CACNA2D4: variants seen among roughly 807,000 people sequenced by gnomAD.
CACNA2D4 encodes calcium voltage-gated channel auxiliary subunit alpha2delta 4, also known as voltage-dependent calcium channel subunit alpha-2/delta-4.
A neutral mutation model predicts 163.8 loss-of-function variants in CACNA2D4; 157 were observed. The observed-to-expected ratio is 0.96, with a 90% CI of 0.84 to 1.09. The LOEUF (loss-of-function observed/expected upper bound fraction) is 1.09. Among genes scored for constraint, CACNA2D4 ranks in the 50% least tolerant of loss-of-function variants. The pLI, the probability that CACNA2D4 is intolerant of heterozygous loss-of-function variation, is 0.00. For synonymous variants in CACNA2D4, 598 were observed against 586.9 expected (o/e 1.02, Z -0.27); for missense variants, 1,410 against 1,479.9 (o/e 0.95, Z 0.78).
chr12:1,816,852 A>G (rs73593729), intron 26 of CACNA2D4, among the ~76,000 whole-genome samples: 4,202 of 152,270 alleles, frequency 0.028, 187 homozygotes, highest in African/African-American at 0.095. Flanking sequence ...ACACATGGAC[A>G]CACAGGCATA....
chr12:1,860,197 G>T lies in CACNA2D4; in HGVS notation c.1888C>A (p.Leu630Ile), dbSNP rs774587637. The change falls in exon 19 of 38, where the codon CTT becomes ATT. Residue 630 changes from leucine to isoleucine, a missense_variant. Transcript: ENST00000382722. ...AAGAAGTAGTCATTGGTCAGGAAAA[G>T]AACTCGCTTCTGAAAGAGTAGACAA... is the stretch of plus-strand genomic sequence containing the variant. ...KVPMDKGKRV[L>I]FLTNDYFFTD... is the part of the protein sequence containing the mutation. 5.0e-6 allele frequency: 8 copies of T among 1,613,488 alleles called. No individual in the cohort carries two copies. In the South Asian group the frequency reaches 5.5e-5, roughly 11 times the overall value.
chr12:1,839,322 T>C (rs993940071), intron 26 of CACNA2D4, among the ~76,000 whole-genome samples: 1 of 152,250 alleles, frequency 6.6e-6, no homozygotes, highest in Non-Finnish European at 1.5e-5. Context: ...TCCCAGGTAC[T>C]GAAGCTAAAA....
At chr12:1,839,482 C>T (rs1864963747) in intron 26 of CACNA2D4, among the ~76,000 whole-genome samples, 1 of 152,198 alleles carries the variant, frequency 6.6e-6, no homozygotes, top group East Asian at 1.9e-4. Flanking sequence ...CATGGCAAAC[C>T]GCAGCACAGG....
intron 26 of CACNA2D4, among the ~76,000 whole-genome samples, chr12:1,822,435 GC>G (rs2154446465): frequency 6.6e-6 from 1 of 152,192 alleles, no homozygotes; most frequent in African/African-American, 2.4e-5. Flanking sequence ...AGCCTCCTGT[GC>G]CCTGCCTGGG....
In CACNA2D4 at chr12:1,799,561, C is replaced by T; in HGVS notation, c.2995+114G>A. Reference sequence around the variant, plus strand: ...GGAATGGTACTTTAAACCAGGAGAGCTCAGCCCTGCTTGGGGTCATTCCTG... The same window carrying T: ...GGAATGGTACTTTAAACCAGGAGAGTTCAGCCCTGCTTGGGGTCATTCCTG... On this transcript the variant is annotated intron_variant, in intron 34 of 37. Coordinates refer to ENST00000382722, the MANE Select transcript of CACNA2D4 (RefSeq NM_172364.5). This position sits in a 1 kb window ranked among gnomAD's most constrained non-coding sequence, Gnocchi z 4.7. 1.8e-6 allele frequency: 2 copies of T among 1,130,822 alleles called. No homozygotes were observed. The highest frequency in any genetic ancestry group is 5.2e-5 in the East Asian group (2 of 38,770). 70.0% of individuals were successfully genotyped at this position (1,130,822 alleles called of 1,614,324 possible).
intron 35 of CACNA2D4, 101 bp from the exon 36 acceptor site, chr12:1,795,881 A>G (rs1448848979): frequency 1.2e-6 from 1 of 809,144 alleles, no homozygotes; most frequent in Non-Finnish European, 2.1e-6. Context: ...TTAGGGTGGC[A>G]GGGAAGCCCG....
At chr12:1,794,507 C>T (rs927940272) in intron 37 of CACNA2D4, among the ~76,000 whole-genome samples, 4 of 152,204 alleles carry the variant, frequency 2.6e-5, no homozygotes, top group African/African-American at 9.7e-5. Context: ...ATGCCAATCG[C>T]AAGCCCCAGG....
At chr12:1,803,385 G>T (rs1863403671) in intron 29 of CACNA2D4, among the ~76,000 whole-genome samples, 1 of 152,236 alleles carries the variant, frequency 6.6e-6, no homozygotes, top group Admixed American at 6.5e-5. Flanking sequence ...TCATAATGCT[G>T]TGACTTATAA....
chr12:1,851,097 G>T (rs1057268445), intron 23 of CACNA2D4, among the ~76,000 whole-genome samples: 3 of 152,016 alleles, frequency 2.0e-5, no homozygotes, highest in Non-Finnish European at 4.4e-5. Context: ...TTCACAGGCT[G>T]GTCTTGAACT....
In CACNA2D4 at chr12:1,918,504, G is replaced by T; in HGVS notation, c.-31C>A. 1 of 1,527,700 alleles carries T rather than the reference G, an allele frequency of 6.5e-7. No individual in the cohort carries two copies. Among genetic ancestry groups the T allele is most frequent in the South Asian group, 1.2e-5 (1 of 83,292 alleles). The allele number at this position is 1,527,700 out of a possible 1,614,324, so 94.6% of individuals were successfully genotyped here. ...CTGTCTGCCTTCCTCCCAGACCCCA[G>T]GACGCCCCAGGCCTTTGTCTTCCGT... is the stretch of plus-strand genomic sequence containing the variant. On this transcript the variant is annotated 5_prime_UTR_variant, in exon 1 of 38. The change creates a new upstream start codon in the 5' untranslated region. Coordinates refer to ENST00000382722, the MANE Select transcript of CACNA2D4 (RefSeq NM_172364.5).
At chr12:1,851,071 C>T (rs10774000) in intron 23 of CACNA2D4, among the ~76,000 whole-genome samples, 113,192 of 151,910 alleles carry the variant, frequency 0.75, 42,548 homozygotes, top group Non-Finnish European at 0.79. Context: ...ATTTTAGAGA[C>T]GGGGTCTTGT....
intron 4 of CACNA2D4, among the ~76,000 whole-genome samples, chr12:1,908,530 G>T (rs1368394077): frequency 6.6e-6 from 1 of 152,042 alleles, no homozygotes; most frequent in African/African-American, 2.4e-5. Context: ...GTTGGAGGGC[G>T]TGCTAGGATT....
rs1865920618 is a variant in CACNA2D4, at chr12:1,878,257, G to A, written c.1719+58C>T. On this transcript the variant is annotated intron_variant, in intron 16 of 37. Transcript: ENST00000382722. This position sits in a 1 kb window ranked among gnomAD's most constrained non-coding sequence, Gnocchi z 4.6. The stretch of plus-strand genomic sequence containing the variant: ...TGTTTGTTGTTTTAATCGTTTTTGT[G>A]AATTACCCCCAAATCCCATACAGTA... 6.4e-7 allele frequency: 1 copy of A among 1,556,306 alleles called. No homozygotes were observed. Among genetic ancestry groups the A allele is most frequent in the Admixed American group, 1.9e-5 (1 of 52,446 alleles).
intron 2 of CACNA2D4, among the ~76,000 whole-genome samples, chr12:1,914,596 A>G (rs1449529755): frequency 6.6e-6 from 1 of 152,036 alleles, no homozygotes; most frequent in Non-Finnish European, 1.5e-5. Context: ...CACCCAGTAC[A>G]TCTGCAGGTC....
intron 23 of CACNA2D4, among the ~76,000 whole-genome samples, chr12:1,852,915 A>G (rs529403592): frequency 1.3e-5 from 2 of 152,278 alleles, no homozygotes; most frequent in African/African-American, 4.8e-5. Flanking sequence ...GTCAAATGGC[A>G]GTAATGAGAG....
At chr12:1,901,405 AG>A (rs1592745134) in intron 6 of CACNA2D4, among the ~76,000 whole-genome samples, 2 of 152,084 alleles carry the variant, frequency 1.3e-5, no homozygotes, top group Non-Finnish European at 2.9e-5. Context: ...TGAAATGAAA[AG>A]TTGGTTTTTA....
In CACNA2D4 at chr12:1,869,472, C is replaced by T. The variant is rs371382562; in HGVS notation, c.1878+5132G>A. ...TCATGGAAGGCACTGGCTCCGTCTG[C>T]GGGTCATCTGCCATCCTGATGGGTA... On this transcript the variant is annotated intron_variant, in intron 18 of 37. Transcript: ENST00000382722. This position sits in a 1 kb window ranked among gnomAD's most constrained non-coding sequence, Gnocchi z 4.7. Among the ~76,000 whole-genome samples, 44 of 152,332 alleles carry T rather than the reference C, an allele frequency of 2.9e-4. No individual in the cohort carries two copies. Among genetic ancestry groups the T allele is most frequent in the East Asian group, 2.3e-3 (12 of 5,194 alleles).
intron 26 of CACNA2D4, among the ~76,000 whole-genome samples, chr12:1,825,297 G>A (rs1864269269): frequency 6.6e-6 from 1 of 152,234 alleles, no homozygotes; most frequent in Non-Finnish European, 1.5e-5. Flanking sequence ...GAAGCCTTAG[G>A]TGGAAACTGG....
chr12:1,856,864 G>A (rs1865411886), intron 20 of CACNA2D4, among the ~76,000 whole-genome samples: 2 of 152,178 alleles, frequency 1.3e-5, no homozygotes, highest in African/African-American at 4.8e-5. Context: ...AGTCCAAGGA[G>A]GGGATGACAG....
Sources: gnomAD v4.1 joint callset for allele counts (sites outside exome capture counted in the v4.1 genomes callset) on GRCh38, gnomAD v4.1.1 for gene constraint, Gnocchi (gnomAD v3.1) non-coding constraint, MANE v1.5 for transcripts, NCBI Gene and HGNC (gene_info 2026-07-23, HGNC 2026-07-21) for gene names.